The following CNBD1 variants were observed in gnomAD, a reference collection of about 807,000 sequenced individuals.
The protein encoded by CNBD1 is cyclic nucleotide-binding domain-containing protein 1.
CNBD1 carries 71 observed loss-of-function variants against 54.4 expected under a neutral mutation model. That is an observed-to-expected ratio of 1.30 (90% confidence interval 1.08 to 1.59). The LOEUF is 1.59. CNBD1 is among the 40% of genes most tolerant of loss of function. The probability of loss-of-function intolerance (pLI) is 0.00; values close to 1 mark genes in which losing one functional copy is unlikely to be tolerated. For synonymous variants in CNBD1, 182 were observed against 170.7 expected, an observed-to-expected ratio of 1.07 and a Z score of -0.51; for missense variants, 659 against 518.0, an observed-to-expected ratio of 1.27 and a Z score of -2.64.
chr8:87,242,891 A>T lies in CNBD1; in HGVS notation c.771+5779A>T, dbSNP rs181570536. Among the ~76,000 whole-genome samples the T allele has an allele frequency of 6.2e-3, 940 of 152,294 alleles. 9 individuals carry two copies. The highest frequency in any genetic ancestry group is 0.011 in the Non-Finnish European group (734 of 68,008). ...AAATCCCAACTCAAAAATATTCTTT[A>T]TTTTCTTGTATCAATTACTAGCTAG... On this transcript the variant is annotated intron_variant, in intron 6 of 10. Coordinates refer to ENST00000518476, the MANE Select transcript of CNBD1 (RefSeq NM_173538.3).
At chr8:87,024,549 C>A (rs1809586078) in intron 4 of CNBD1, among the ~76,000 whole-genome samples, 1 of 151,892 alleles carries the variant, frequency 6.6e-6, no homozygotes, top group African/African-American at 2.4e-5. Flanking sequence ...ACCATATTGG[C>A]CAGGCTGGTC....
At chr8:87,387,127 A>C (rs1205426002), downstream of CNBD1, among the ~76,000 whole-genome samples, 1 of 152,196 alleles carries the variant, frequency 6.6e-6, no homozygotes, top group Non-Finnish European at 1.5e-5. Context: ...GAAAGGAACA[A>C]CCGGTACCAG....
chr8:87,385,483 C>T (rs1225564869), downstream of CNBD1, among the ~76,000 whole-genome samples: 2 of 152,094 alleles, frequency 1.3e-5, no homozygotes, highest in Admixed American at 6.5e-5. Flanking sequence ...CTGCACATGT[C>T]TCGGAGGGTC....
Position 86,981,082 on chromosome 8 carries a change from C to T in CNBD1, c.431+41328C>T, listed in dbSNP as rs369025092. Among the ~76,000 whole-genome samples the T allele has an allele frequency of 6.4e-4, 97 of 152,286 alleles. 1 individual carries two copies. The highest frequency in any genetic ancestry group is 4.1e-3 in the Admixed American group (62 of 15,284). On this transcript the variant is annotated intron_variant, in intron 4 of 10. Transcript: ENST00000518476. ...CTTTTTACAGAAAGTTAAGAAACAT[C>T]AACATTCTATTTAAAAGTAGAGAAT...
chr8:86,953,772 C>T (rs759014522), intron 4 of CNBD1, among the ~76,000 whole-genome samples: 54 of 152,144 alleles, frequency 3.5e-4, no homozygotes, highest in Middle Eastern at 6.8e-3. Context: ...GAGGCTGAGG[C>T]GGAAAAATCA....
intron 8 of CNBD1, among the ~76,000 whole-genome samples, chr8:87,333,347 C>G (rs993098880): frequency 2.0e-5 from 3 of 152,124 alleles, no homozygotes; most frequent in African/African-American, 7.2e-5. Flanking sequence ...TCCTCTCTTT[C>G]TATTTGAATA....
intron 5 of CNBD1, among the ~76,000 whole-genome samples, chr8:87,232,122 G>A (rs1053655496): frequency 2.6e-5 from 4 of 152,020 alleles, no homozygotes; most frequent in Admixed American, 1.3e-4. Context: ...CCTTTTCATA[G>A]CTGAGTAGTA....
At chr8:87,413,187 G>A (rs1024756663) in intron 2 of CNBD1, among the ~76,000 whole-genome samples, 1 of 151,998 alleles carries the variant, frequency 6.6e-6, no homozygotes, top group African/African-American at 2.4e-5. Flanking sequence ...TATGACACAG[G>A]GTTGTGAAAT....
chr8:87,264,448 A>G (rs1586374820), intron 6 of CNBD1, among the ~76,000 whole-genome samples: 3 of 152,256 alleles, frequency 2.0e-5, no homozygotes, highest in African/African-American at 7.2e-5. Context: ...GAATAGTGCC[A>G]CAATAAACAT....
chr8:87,416,008 TACAC>T (rs771031689), intron 2 of CNBD1, among the ~76,000 whole-genome samples: 14 of 151,598 alleles, frequency 9.2e-5, no homozygotes, highest in Non-Finnish European at 1.9e-4. Flanking sequence ...CACACACACA[TACAC>T]ACACAAAAAT....
chr8:87,040,259 A>G (rs1810036337), intron 4 of CNBD1, among the ~76,000 whole-genome samples: 2 of 152,326 alleles, frequency 1.3e-5, no homozygotes, highest in African/African-American at 4.8e-5. Context: ...AATTTGGGCT[A>G]TGCCCAGGAA....
chr8:86,920,671 C>G (rs959377264), intron 3 of CNBD1, among the ~76,000 whole-genome samples: 1 of 152,098 alleles, frequency 6.6e-6, no homozygotes, highest in African/African-American at 2.4e-5. Context: ...TGCTCAGTCA[C>G]CCAAATTGCC....
chr8:87,382,728 G>T lies in CNBD1; in HGVS notation c.*101G>T, dbSNP rs1057304349. ...TATCAAACTACCAGCAATGAATTTGGTCTATTGTGACTACATATCCTGGAT... is the reference window on the plus strand; with the variant it reads ...TATCAAACTACCAGCAATGAATTTGTTCTATTGTGACTACATATCCTGGAT... On this transcript the variant is annotated 3_prime_UTR_variant, in exon 11 of 11. Coordinates refer to ENST00000518476, the MANE Select transcript of CNBD1 (RefSeq NM_173538.3). The T allele has an allele frequency of 8.0e-5, 75 of 937,686 alleles. 1 individual carries two copies. The highest frequency in any genetic ancestry group is 1.4e-4 in the Admixed American group (6 of 44,244). The allele number at this position is 937,686 out of a possible 1,614,324, so 58.1% of individuals were successfully genotyped here.
chr8:87,406,661 G>T (rs943193279), intron 2 of CNBD1, among the ~76,000 whole-genome samples: 1 of 151,894 alleles, frequency 6.6e-6, no homozygotes, highest in Non-Finnish European at 1.5e-5. Flanking sequence ...TGTATTTTTA[G>T]TAGAGATGGG....
chr8:87,097,268 T>A (rs1811339818), intron 4 of CNBD1, among the ~76,000 whole-genome samples: 1 of 152,188 alleles, frequency 6.6e-6, no homozygotes, highest in Non-Finnish European at 1.5e-5. Context: ...TTTTGAATTT[T>A]CATTTGGTTT....
chr8:87,343,386 G>T (rs976338908), intron 8 of CNBD1, among the ~76,000 whole-genome samples: 1 of 152,176 alleles, frequency 6.6e-6, no homozygotes, highest in African/African-American at 2.4e-5. Context: ...GAGATTAAGT[G>T]ATTAAAGACA....
intron 6 of CNBD1, among the ~76,000 whole-genome samples, chr8:87,271,267 A>T (rs1376132464): frequency 6.6e-6 from 1 of 151,056 alleles, no homozygotes; most frequent in South Asian, 2.1e-4. Context: ...TCTCAATTTC[A>T]TTTATTTCTA....
At chr8:87,341,077 G>A (rs1425738096) in intron 8 of CNBD1, among the ~76,000 whole-genome samples, 1 of 151,948 alleles carries the variant, frequency 6.6e-6, no homozygotes, top group Non-Finnish European at 1.5e-5. Flanking sequence ...AGATTCTTTG[G>A]GCTTCTCAAG....
At chr8:87,302,221 T>C (rs1244560210) in intron 8 of CNBD1, among the ~76,000 whole-genome samples, 1 of 152,108 alleles carries the variant, frequency 6.6e-6, no homozygotes, top group African/African-American at 2.4e-5. Flanking sequence ...CTGATGAACA[T>C]CGAAGCAAAA....
Sources: gnomAD v4.1 joint callset for allele counts (sites outside exome capture counted in the v4.1 genomes callset) on GRCh38, gnomAD v4.1.1 for gene constraint, MANE v1.5 for transcripts, NCBI Gene and HGNC (gene_info 2026-07-23, HGNC 2026-07-21) for gene names.